Variants in WDR1 observed in about 807,000 individuals in gnomAD.
WDR1 encodes WD repeat-containing protein 1.
In WDR1, 21 loss-of-function variants were observed where a neutral mutation model predicts 71.9. That is an observed-to-expected ratio of 0.29 (90% CI 0.21 to 0.42). The LOEUF is 0.42. Among genes scored for constraint, WDR1 ranks in the 10% least tolerant of loss-of-function variants. The pLI is 1.00. For missense variants in WDR1, 696 were observed against 824.5 expected, an observed-to-expected ratio of 0.84 and a Z score of 1.91; for synonymous variants, 424 against 347.4, an observed-to-expected ratio of 1.22 and a Z score of -2.45.
At chr4:10,116,457 C>A in intron 1 of WDR1, 194 bp downstream of exon 1, 1 of 756,774 alleles carries the variant, frequency 1.3e-6, no homozygotes, top group Non-Finnish European at 1.8e-6. Context: ...CCCACGGCGC[C>A]AACTTGGGGG....
chr4:10,089,050 C>G (rs1711793994), intron 5 of WDR1, among the ~76,000 whole-genome samples: 1 of 152,200 alleles, frequency 6.6e-6, no homozygotes, highest in Non-Finnish European at 1.5e-5. Context: ...CCTCTTCCCT[C>G]TGGGCTCTGA....
At chr4:10,084,567 C>T (rs754147381) in intron 8 of WDR1, 37 bp from the exon 9 acceptor site, 24 of 1,589,042 alleles carry the variant, frequency 1.5e-5, no homozygotes, top group Middle Eastern at 1.7e-4. Context: ...AAGCTGATGA[C>T]ACACTGCCCT....
At chr4:10,094,583 G>C (rs775563977) in intron 5 of WDR1, 1 of 152,228 alleles carries the variant, frequency 6.6e-6, no homozygotes, top group Admixed American at 6.5e-5. Context: ...CCCTGGGTTC[G>C]CAAAATGCCA....
At chr4:10,090,503 G>T (rs1052414677) in intron 5 of WDR1, among the ~76,000 whole-genome samples, 2 of 152,168 alleles carry the variant, frequency 1.3e-5, no homozygotes, top group African/African-American at 4.8e-5. Context: ...AATCTCTCTA[G>T]GCCCAAGAGT....
intron 3 of WDR1, among the ~76,000 whole-genome samples, chr4:10,100,378 G>T (rs79368359): frequency 1.3e-5 from 2 of 152,162 alleles, no homozygotes; most frequent in African/African-American, 4.8e-5. Flanking sequence ...TAGGTTCCAC[G>T]AGTTAACACG....
At chr4:10,077,718 G>C (rs1181294100) in intron 13 of WDR1, 35 bp downstream of exon 13, 1 of 1,533,840 alleles carries the variant, frequency 6.5e-7, no homozygotes. Context: ...GCACCGCCCA[G>C]CACGGGGACA....
At chr4:10,092,800 A>T in intron 5 of WDR1, 2 of 333,108 alleles carry the variant, frequency 6.0e-6, no homozygotes, top group South Asian at 4.5e-5. Flanking sequence ...CCTCCCGGGG[A>T]GTTCAGGGGC....
At chr4:10,116,021 T>G (rs1285839912) in intron 2 of WDR1, 92 bp downstream of exon 2, 1 of 1,500,372 alleles carries the variant, frequency 6.7e-7, no homozygotes, top group Non-Finnish European at 9.0e-7. Flanking sequence ...CCCGGGCCAA[T>G]GGGCAGGAGG....
At chr4:10,099,184 G>GGT in intron 3 of WDR1, 45 bp from the exon 4 acceptor site, 13 of 450,124 alleles carry the variant, frequency 2.9e-5, no homozygotes, top group East Asian at 5.6e-5. Context: ...CGGTGGTGGG[G>GGT]TAAAGGGCAG....
chr4:10,090,203 G>C (rs1408740013), intron 5 of WDR1, among the ~76,000 whole-genome samples: 2 of 152,186 alleles, frequency 1.3e-5, no homozygotes, highest in Non-Finnish European at 2.9e-5. Flanking sequence ...CACCCAATCT[G>C]TGGCTTAACA....
Position 10,097,908 on chromosome 4 carries a change from A to T in WDR1, c.378-17T>A. ...GCTCCAAACCTTGACCCAATGACAC[A>T]GGTGGAAGACAAAAAAAAAAAAAAA... On this transcript the variant is annotated splice_polypyrimidine_tract_variant and intron_variant, in intron 4 of 14. Transcript: ENST00000499869. The T allele has an allele frequency of 7.1e-7, 1 of 1,409,040 alleles. No individual in the cohort carries two copies. The highest frequency in any genetic ancestry group is 9.5e-7 in the Non-Finnish European group (1 of 1,055,600). 87.3% of individuals were successfully genotyped at this position (1,409,040 alleles called of 1,614,324 possible).
chr4:10,100,528 G>A (rs1386377972), intron 3 of WDR1, among the ~76,000 whole-genome samples: 1 of 152,236 alleles, frequency 6.6e-6, no homozygotes, highest in Non-Finnish European at 1.5e-5. Flanking sequence ...AGCCTAGACT[G>A]AGCCATCCTC....
chr4:10,090,388 T>C (rs1269199187), intron 5 of WDR1, among the ~76,000 whole-genome samples: 6 of 151,866 alleles, frequency 4.0e-5, no homozygotes, highest in Admixed American at 3.9e-4. Flanking sequence ...GAAATCGATG[T>C]CCCCACAAAG....
chr4:10,082,946 T>A, intron 10 of WDR1, 76 bp downstream of exon 10: 2 of 1,518,758 alleles, frequency 1.3e-6, no homozygotes, highest in Non-Finnish European at 1.8e-6. Context: ...TCCAGAACAG[T>A]AACTGCTGGA....
chr4:10,084,047 C>T (rs1293244549), intron 9 of WDR1, among the ~76,000 whole-genome samples: 1 of 152,166 alleles, frequency 6.6e-6, no homozygotes, highest in African/African-American at 2.4e-5. Flanking sequence ...GTAAGGGTGT[C>T]CAGGTGCTTG....
intron 3 of WDR1, among the ~76,000 whole-genome samples, chr4:10,099,749 G>C (rs565600329): frequency 8.5e-5 from 13 of 152,378 alleles, no homozygotes; most frequent in South Asian, 2.1e-4. Context: ...GCTGCTGCCT[G>C]GCAAATCAGC....
chr4:10,097,956 A>G, intron 4 of WDR1, 65 bp from the exon 5 acceptor site: 1 of 1,448,918 alleles, frequency 6.9e-7, no homozygotes, highest in Non-Finnish European at 9.2e-7. Context: ...GAAGGCTGGT[A>G]AGCAATCTGA....
chr4:10,110,320 G>A (rs1577079151), intron 2 of WDR1, among the ~76,000 whole-genome samples: 1 of 152,192 alleles, frequency 6.6e-6, no homozygotes, highest in Non-Finnish European at 1.5e-5. Flanking sequence ...GAAGGTGGAG[G>A]TCACTCTCCA....
intron 14 of WDR1, chr4:10,077,024 A>G: frequency 2.4e-6 from 1 of 420,908 alleles, no homozygotes; most frequent in South Asian, 3.7e-5. Flanking sequence ...CCCAGGTGGG[A>G]TTTAAGGGGT....
Sources: allele counts gnomAD v4.1 joint callset (sites outside exome capture counted in the v4.1 genomes callset), GRCh38; gene constraint gnomAD v4.1.1; transcripts MANE v1.5; gene names NCBI Gene and HGNC (gene_info 2026-07-23, HGNC 2026-07-21).